The following RAD50 variants were observed in gnomAD, a reference collection of about 807,000 sequenced individuals.
The protein encoded by RAD50 is DNA repair protein RAD50.
RAD50 carries 132 observed loss-of-function variants against 168.8 expected under a neutral mutation model. The observed-to-expected ratio is 0.78, with a 90% CI of 0.68 to 0.90. RAD50 has a LOEUF of 0.90. RAD50 is among the 40% of genes least tolerant of loss of function. The pLI is 0.00. For synonymous variants in RAD50, 525 were observed against 497.4 expected (o/e 1.06, Z -0.74); for missense variants, 1,347 against 1,534.4 (o/e 0.88, Z 2.04).
At chr5:132,604,171 C>CT (rs1042757151) in intron 15 of RAD50, 125 bp downstream of exon 15, 22 of 1,189,698 alleles carry the variant, frequency 1.8e-5, no homozygotes, top group African/African-American at 3.1e-5. Context: ...TATATTTGCT[C>CT]TTTTTTTCTG....
intron 21 of RAD50, among the ~76,000 whole-genome samples, chr5:132,634,304 A>G (rs892910421): frequency 1.3e-5 from 2 of 151,862 alleles, no homozygotes; most frequent in African/African-American, 4.8e-5. Flanking sequence ...ACTTATTCCT[A>G]GGCATTTTAG....
chr5:132,564,421 T>C (rs1315546044), intron 2 of RAD50, among the ~76,000 whole-genome samples: 1 of 152,150 alleles, frequency 6.6e-6, no homozygotes, highest in East Asian at 1.9e-4. Flanking sequence ...TAGGAATCTG[T>C]GGAACTTTGA....
intron 2 of RAD50, among the ~76,000 whole-genome samples, 181 bp downstream of exon 2, chr5:132,559,548 T>C (rs1347408202): frequency 6.6e-6 from 1 of 152,210 alleles, no homozygotes; most frequent in Non-Finnish European, 1.5e-5. Flanking sequence ...AAATACTGTT[T>C]TATATAGCTG....
At chr5:132,560,224 C>T (rs762228465) in intron 2 of RAD50, among the ~76,000 whole-genome samples, 7 of 152,158 alleles carry the variant, frequency 4.6e-5, no homozygotes, top group African/African-American at 7.2e-5. Flanking sequence ...TAAATGCATT[C>T]ACACATACAT....
At chr5:132,597,274 T>C (rs938778782) in intron 13 of RAD50, among the ~76,000 whole-genome samples, 2 of 152,176 alleles carry the variant, frequency 1.3e-5, no homozygotes, top group Admixed American at 6.5e-5. Context: ...ACTTCTAAGA[T>C]GGTCCCTAGT....
In RAD50 at chr5:132,638,485, AC is replaced by A. The variant is rs11308531; in HGVS notation, c.3618+265del. Among the ~76,000 whole-genome samples the A allele has an allele frequency of 0.18, 27,006 of 152,192 alleles. 2,652 individuals are homozygous for A. The highest frequency in any genetic ancestry group is 0.25 in the Middle Eastern group (73 of 292). On this transcript the variant is annotated intron_variant, in intron 23 of 24. Coordinates refer to ENST00000378823, the MANE Select transcript of RAD50 (RefSeq NM_005732.4). ...CTAAATGTAGAACAAGAAGCTGAAG[AC>A]CCGTTAGAGTTTTCATGGCACTCCT...
In RAD50 at chr5:132,603,327, G is replaced by A. The variant is rs750418251; in HGVS notation, c.2235G>A (p.Lys745=). Residue 745 remains lysine, a synonymous_variant, in exon 14 of 25, where the codon AAG becomes AAA. Coordinates refer to ENST00000378823, the MANE Select transcript of RAD50 (RefSeq NM_005732.4). ...MRQSIIDLKE[K]EIPELRNKLQ... ...AAAGCATAATTGATTTGAAGGAGAA[G>A]GAAATACCAGAATTAAGAAACAAAC... The A allele has an allele frequency of 6.2e-7, 1 of 1,613,032 alleles. No homozygotes were observed. The highest frequency in any genetic ancestry group is 8.5e-7 in the Non-Finnish European group (1 of 1,179,452).
intron 21 of RAD50, among the ~76,000 whole-genome samples, chr5:132,624,932 T>C (rs1751346357): frequency 6.6e-6 from 1 of 150,420 alleles, no homozygotes; most frequent in African/African-American, 2.4e-5. Context: ...AAGTTGGTTG[T>C]GATGGAAAAA....
intron 2 of RAD50, among the ~76,000 whole-genome samples, chr5:132,574,469 A>G (rs1750360107): frequency 6.6e-6 from 1 of 152,020 alleles, no homozygotes; most frequent in Non-Finnish European, 1.5e-5. Flanking sequence ...TTTCTTCCTA[A>G]ACCTCTGGGC....
chr5:132,588,936 G>C, intron 8 of RAD50, 56 bp downstream of exon 8: 4 of 1,531,680 alleles, frequency 2.6e-6, no homozygotes, highest in Non-Finnish European at 3.6e-6. Flanking sequence ...TTCTCTACTT[G>C]AATTGTTTTA....
chr5:132,642,026 G>A, intron 24 of RAD50, 152 bp from the exon 25 acceptor site: 1 of 771,418 alleles, frequency 1.3e-6, no homozygotes, highest in South Asian at 1.7e-5. Flanking sequence ...CTGGCCTGAA[G>A]GCCTGGGGCC....
intron 2 of RAD50, among the ~76,000 whole-genome samples, chr5:132,567,306 A>G (rs1750226023): frequency 1.3e-5 from 2 of 152,222 alleles, no homozygotes; most frequent in Non-Finnish European, 2.9e-5. Flanking sequence ...AACTATTTTC[A>G]GGCATTGGAC....
chr5:132,607,107 T>C (rs1304262967), intron 16 of RAD50, among the ~76,000 whole-genome samples: 1 of 152,224 alleles, frequency 6.6e-6, no homozygotes, highest in Non-Finnish European at 1.5e-5. Context: ...GTGTGGTTCC[T>C]AAGTGATAGA....
At chr5:132,624,829 G>T (rs1281469990) in intron 21 of RAD50, among the ~76,000 whole-genome samples, 2 of 143,956 alleles carry the variant, frequency 1.4e-5, no homozygotes, top group African/African-American at 5.4e-5. Flanking sequence ...CCAAGATTGT[G>T]CCAGTGCACT....
chr5:132,640,067 T>C (rs1050007732), intron 23 of RAD50, among the ~76,000 whole-genome samples: 17 of 152,210 alleles, frequency 1.1e-4, no homozygotes, highest in African/African-American at 3.1e-4. Context: ...ATTAGGTTTC[T>C]AGTAACCACG....
At chr5:132,603,834 AATAAATG>A (rs1479083817) in intron 14 of RAD50, 79 bp from the exon 15 acceptor site, 1 of 1,255,866 alleles carries the variant, frequency 8.0e-7, no homozygotes, top group Non-Finnish European at 1.1e-6. Context: ...AGATTTAAAA[AATAAATG>A]ATAAGAGCAA....
intron 15 of RAD50, 104 bp from the exon 16 acceptor site, chr5:132,604,702 A>G: frequency 2.0e-6 from 2 of 986,542 alleles, no homozygotes; most frequent in Non-Finnish European, 3.1e-6. Flanking sequence ...GCCCACAGAA[A>G]TAGCATTTGT....
chr5:132,557,234 C>T lies in RAD50; in HGVS notation c.-91C>T, dbSNP rs1413792780. The T allele has an allele frequency of 3.6e-5, 55 of 1,527,740 alleles. No homozygotes were observed. Among genetic ancestry groups the T allele is most frequent in the South Asian group, 1.8e-4 (16 of 88,838 alleles). 94.6% of individuals were successfully genotyped at this position (1,527,740 alleles called of 1,614,324 possible). A position where few individuals can be genotyped will look rare whatever the true frequency, so the allele number is the denominator to read the frequency against. ...CGGATCCTCCTGACCCTGAGATTCGCGGGTCTCACGTCCCGTGCACGCCTT... is the reference window on the plus strand; with the variant it reads ...CGGATCCTCCTGACCCTGAGATTCGTGGGTCTCACGTCCCGTGCACGCCTT... On this transcript the variant is annotated 5_prime_UTR_variant, in exon 1 of 25. Coordinates refer to ENST00000378823, the MANE Select transcript of RAD50 (RefSeq NM_005732.4).
intron 8 of RAD50, among the ~76,000 whole-genome samples, 163 bp downstream of exon 8, chr5:132,589,043 A>G (rs1407262907): frequency 6.6e-6 from 1 of 152,226 alleles, no homozygotes; most frequent in Non-Finnish European, 1.5e-5. Context: ...AAATGTTCTT[A>G]AGTGTATAAA....
Sources: allele counts gnomAD v4.1 joint callset (sites outside exome capture counted in the v4.1 genomes callset), GRCh38; gene constraint gnomAD v4.1.1; transcripts MANE v1.5; gene names NCBI Gene and HGNC (gene_info 2026-07-23, HGNC 2026-07-21).